Variants in MALRD1 observed in about 807,000 individuals in gnomAD.
The protein encoded by MALRD1 is MAM and LDL receptor class A domain containing 1.
Under a neutral mutation model 242.1 loss-of-function variants are expected in MALRD1, and 247 were observed. The ratio of observed to expected loss-of-function variants is 1.02; its 90% CI spans 0.92 to 1.13. The LOEUF is 1.13. Among genes scored for constraint, MALRD1 ranks in the 50% most tolerant of loss-of-function variants. The pLI is 0.00. For synonymous variants in MALRD1, 995 were observed against 866.6 expected (o/e 1.15, Z -2.60); for missense variants, 2,989 against 2,533.1 (o/e 1.18, Z -3.86).
chr10:19,169,939 A>C (rs1834851951), intron 13 of MALRD1, among the ~76,000 whole-genome samples: 1 of 152,176 alleles, frequency 6.6e-6, no homozygotes, highest in Non-Finnish European at 1.5e-5. Context: ...AAGAAGAAAG[A>C]CATCAAATCA....
chr10:19,448,953 T>C (rs1477163323), intron 28 of MALRD1, among the ~76,000 whole-genome samples: 2 of 152,158 alleles, frequency 1.3e-5, no homozygotes, highest in African/African-American at 4.8e-5. Context: ...AACATGTTTC[T>C]CCTTTTCTCT....
intron 28 of MALRD1, among the ~76,000 whole-genome samples, chr10:19,418,906 T>G (rs1833611259): frequency 6.6e-6 from 1 of 152,192 alleles, no homozygotes; most frequent in Non-Finnish European, 1.5e-5. Flanking sequence ...TCTTAGTGCC[T>G]GGGACAGTGC....
Position 19,404,053 on chromosome 10 carries a change from G to A in MALRD1, c.4845+14444G>A, listed in dbSNP as rs147766623. Among the ~76,000 whole-genome samples, 514 of 152,070 alleles carry A rather than the reference G, an allele frequency of 3.4e-3. 4 individuals are homozygous for A. Among genetic ancestry groups the A allele is most frequent in the African/African-American group, 0.012 (495 of 41,516 alleles). The stretch of plus-strand genomic sequence containing the variant: ...TGTGAGGTTTTTAAAAAATGTCTAA[G>A]CAGAAGATAAACTAAAAATATAGTA... On this transcript the variant is annotated intron_variant, in intron 28 of 39. Transcript: ENST00000454679.
chr10:19,695,471 C>T (rs969879433), intron 38 of MALRD1, among the ~76,000 whole-genome samples: 1 of 151,326 alleles, frequency 6.6e-6, no homozygotes, highest in Non-Finnish European at 1.5e-5. Flanking sequence ...GGGGAGGCCT[C>T]ACAATCATGG....
intron 35 of MALRD1, 37 bp downstream of exon 35, chr10:19,607,939 A>C (rs1370042966): frequency 3.2e-6 from 5 of 1,545,206 alleles, no homozygotes; most frequent in Non-Finnish European, 3.5e-6. Flanking sequence ...TGTGATATGA[A>C]CCAGCAACTT....
chr10:19,077,737 G>T (rs1213013554), intron 2 of MALRD1, among the ~76,000 whole-genome samples: 2 of 151,822 alleles, frequency 1.3e-5, no homozygotes, highest in South Asian at 2.1e-4. Flanking sequence ...CATCAGTTAA[G>T]GGTTCCCGCT....
intron 28 of MALRD1, among the ~76,000 whole-genome samples, chr10:19,422,952 T>A (rs1480286421): frequency 3.3e-5 from 5 of 152,208 alleles, no homozygotes; most frequent in Admixed American, 6.5e-5. Flanking sequence ...TGGTATCTCT[T>A]GTACTGCTCA....
At chr10:19,344,239 A>G (rs926375945) in intron 24 of MALRD1, among the ~76,000 whole-genome samples, 12 of 152,094 alleles carry the variant, frequency 7.9e-5, no homozygotes, top group Admixed American at 7.2e-4. Context: ...ACCAAGTCCT[A>G]GGTCCCTGAT....
Position 19,579,562 on chromosome 10 carries a change from G to A in MALRD1, c.5680+11859G>A, listed in dbSNP as rs574902156. Among the ~76,000 whole-genome samples the A allele has an allele frequency of 3.0e-4, 45 of 152,262 alleles. No homozygotes were observed. The South Asian group carries it at 7.1e-3, about 24-fold the overall frequency. ...GTAACAGCTTTCCACTCATAGGACCGATGATGATTTTCTCTTTCTCAGCCC... is the reference window on the plus strand; with the variant it reads ...GTAACAGCTTTCCACTCATAGGACCAATGATGATTTTCTCTTTCTCAGCCC... On this transcript the variant is annotated intron_variant, in intron 33 of 39. Transcript: ENST00000454679.
intron 2 of MALRD1, among the ~76,000 whole-genome samples, 151 bp from the exon 3 acceptor site, chr10:19,087,681 ATCTTTTAT>A (rs1368857811): frequency 1.3e-5 from 2 of 152,002 alleles, no homozygotes; most frequent in African/African-American, 2.4e-5. Flanking sequence ...CTAAGCATTG[ATCTTTTAT>A]GTTACAAACA....
chr10:19,559,939 T>C (rs1256087471), intron 32 of MALRD1, among the ~76,000 whole-genome samples: 1 of 152,152 alleles, frequency 6.6e-6, no homozygotes, highest in Non-Finnish European at 1.5e-5. Context: ...ACCACAATTA[T>C]ATATACTATC....
intron 32 of MALRD1, among the ~76,000 whole-genome samples, chr10:19,537,423 TGG>T (rs1834737811): frequency 6.6e-6 from 1 of 152,072 alleles, no homozygotes; most frequent in African/African-American, 2.4e-5. Flanking sequence ...ATCAAGGGGC[TGG>T]CAAGTTTGGT....
chr10:19,403,066 G>A (rs1846939613), intron 28 of MALRD1, among the ~76,000 whole-genome samples: 1 of 152,032 alleles, frequency 6.6e-6, no homozygotes, highest in African/African-American at 2.4e-5. Flanking sequence ...AGAAAAATAT[G>A]TGAACCTATA....
At chr10:19,298,686 C>T (rs765120880) in intron 21 of MALRD1, among the ~76,000 whole-genome samples, 1 of 150,452 alleles carries the variant, frequency 6.6e-6, no homozygotes, top group East Asian at 2.0e-4. Context: ...TGTGTCTTGG[C>T]GGAGAGGTAC....
intron 36 of MALRD1, among the ~76,000 whole-genome samples, chr10:19,679,637 C>T (rs754550419): frequency 1.6e-4 from 24 of 151,584 alleles, no homozygotes; most frequent in East Asian, 1.4e-3. Context: ...AAGAGTTTTT[C>T]GTGCCTCTGT....
intron 28 of MALRD1, among the ~76,000 whole-genome samples, chr10:19,441,676 G>T (rs907453561): frequency 6.6e-6 from 1 of 152,118 alleles, no homozygotes; most frequent in Non-Finnish European, 1.5e-5. Flanking sequence ...TTTCTGTTCT[G>T]TTCCATTGGT....
chr10:19,129,451 C>A (rs996712282), intron 8 of MALRD1, among the ~76,000 whole-genome samples: 2 of 152,032 alleles, frequency 1.3e-5, no homozygotes, highest in Non-Finnish European at 2.9e-5. Context: ...AACCAAAATG[C>A]GTTCAGCAAT....
chr10:19,644,138 C>T (rs1159627210), intron 36 of MALRD1, among the ~76,000 whole-genome samples: 1 of 152,182 alleles, frequency 6.6e-6, no homozygotes, highest in Non-Finnish European at 1.5e-5. Flanking sequence ...TCAATGGACT[C>T]TCCTTAAAAA....
intron 28 of MALRD1, among the ~76,000 whole-genome samples, chr10:19,404,480 T>G (rs1847003166): frequency 6.6e-6 from 1 of 152,108 alleles, no homozygotes; most frequent in African/African-American, 2.4e-5. Flanking sequence ...TTGAAAATCT[T>G]CCACTTATTT....
Sources: gnomAD v4.1 joint callset for allele counts (sites outside exome capture counted in the v4.1 genomes callset) on GRCh38, gnomAD v4.1.1 for gene constraint, MANE v1.5 for transcripts, NCBI Gene and HGNC (gene_info 2026-07-23, HGNC 2026-07-21) for gene names.